MICAL3: variants seen among roughly 807,000 people sequenced by gnomAD.
The protein encoded by MICAL3 is [F-actin]-monooxygenase MICAL3.
A neutral mutation model predicts 207.4 loss-of-function variants in MICAL3; 62 were observed. The observed-to-expected ratio is 0.30, with a 90% CI of 0.24 to 0.37. The LOEUF is 0.37. Among genes scored for constraint, MICAL3 ranks in the 10% least tolerant of loss-of-function variants. The pLI, the probability that MICAL3 is intolerant of heterozygous loss-of-function variation, is 1.00. For synonymous variants in MICAL3, 1,077 were observed against 1,069.3 expected, an observed-to-expected ratio of 1.01 and a Z score of -0.14; for missense variants, 2,368 against 2,635.6, an observed-to-expected ratio of 0.90 and a Z score of 2.22.
At chr22:17,872,705 T>C in intron 16 of MICAL3, 2 of 1,203,594 alleles carry the variant, frequency 1.7e-6, no homozygotes, top group Non-Finnish European at 2.5e-6. Context: ...TTCCCATGGC[T>C]GTGCTGGGTC....
chr22:17,898,126 A>C (rs972265038), intron 7 of MICAL3, among the ~76,000 whole-genome samples: 7 of 151,694 alleles, frequency 4.6e-5, no homozygotes, highest in African/African-American at 1.7e-4. Context: ...AAAAACATGA[A>C]GGCAAAGTAA....
At chr22:17,875,536 G>A (rs751413926) in intron 16 of MICAL3, 37 of 1,552,028 alleles carry the variant, frequency 2.4e-5, no homozygotes, top group African/African-American at 8.2e-5. Flanking sequence ...AAAAATCGAC[G>A]AGGAGGTTCA....
intron 1 of MICAL3, among the ~76,000 whole-genome samples, chr22:18,015,220 A>G (rs1923977720): frequency 6.6e-6 from 1 of 152,144 alleles, no homozygotes; most frequent in Non-Finnish European, 1.5e-5. Context: ...ATTCAACATA[A>G]TTGTGACTCT....
chr22:17,952,145 G>C (rs1167425294), intron 1 of MICAL3, among the ~76,000 whole-genome samples: 1 of 152,184 alleles, frequency 6.6e-6, no homozygotes, highest in Non-Finnish European at 1.5e-5. Context: ...CACCCATCCT[G>C]GGAAAGGATT....
At chr22:17,966,890 A>G (rs1051560819) in intron 1 of MICAL3, among the ~76,000 whole-genome samples, 7 of 152,210 alleles carry the variant, frequency 4.6e-5, no homozygotes, top group African/African-American at 1.7e-4. Context: ...GGTTATCTGT[A>G]AGAACTAGAC....
At chr22:17,936,464 C>T (rs1334239564) in intron 1 of MICAL3, among the ~76,000 whole-genome samples, 5 of 151,764 alleles carry the variant, frequency 3.3e-5, no homozygotes, top group African/African-American at 4.8e-5. Flanking sequence ...TTAGGAGAAA[C>T]ACCTAATGTA....
intron 1 of MICAL3, among the ~76,000 whole-genome samples, chr22:17,928,539 T>C (rs978481551): frequency 6.6e-6 from 1 of 152,142 alleles, no homozygotes; most frequent in Non-Finnish European, 1.5e-5. Flanking sequence ...ATTCACTCAC[T>C]GAGATAAGAC....
At chr22:17,941,088 C>T (rs1047780518) in intron 1 of MICAL3, among the ~76,000 whole-genome samples, 1 of 152,176 alleles carries the variant, frequency 6.6e-6, no homozygotes, top group South Asian at 2.1e-4. Flanking sequence ...GTACTGCTTC[C>T]ACTCCGTCTC....
At chr22:17,875,890 C>T (rs1236382461) in intron 16 of MICAL3, among the ~76,000 whole-genome samples, 1 of 152,148 alleles carries the variant, frequency 6.6e-6, no homozygotes, top group African/African-American at 2.4e-5. Context: ...GGCTTGTCGA[C>T]TCACATGCTC....
At chr22:17,962,648 T>C (rs1240739252) in intron 1 of MICAL3, among the ~76,000 whole-genome samples, 4 of 145,478 alleles carry the variant, frequency 2.7e-5, no homozygotes, top group African/African-American at 1.0e-4. Context: ...TTCGACAAAT[T>C]TGGAGCACTA....
chr22:18,015,671 G>A (rs905196033), intron 1 of MICAL3, among the ~76,000 whole-genome samples: 4 of 151,636 alleles, frequency 2.6e-5, no homozygotes, highest in South Asian at 2.1e-4. Context: ...CATGGCCTCC[G>A]ACCACGCGCG....
intron 1 of MICAL3, among the ~76,000 whole-genome samples, chr22:17,920,360 C>T (rs1932772934): frequency 6.6e-6 from 1 of 152,178 alleles, no homozygotes; most frequent in African/African-American, 2.4e-5. Flanking sequence ...CAGCCCGTCC[C>T]CACCCTCCTA....
chr22:17,914,364 C>T (rs574581705), intron 1 of MICAL3, among the ~76,000 whole-genome samples: 6 of 152,230 alleles, frequency 3.9e-5, no homozygotes, highest in South Asian at 2.1e-4. Context: ...CGTTACTACT[C>T]GGTGCCACAT....
chr22:18,018,044 G>A (rs961757888), intron 1 of MICAL3, among the ~76,000 whole-genome samples: 16 of 149,530 alleles, frequency 1.1e-4, no homozygotes, highest in African/African-American at 3.7e-4. Context: ...CACCGCGCCC[G>A]GCCGTATTTT....
chr22:17,827,941 AC>A (rs1189215864), intron 21 of MICAL3, among the ~76,000 whole-genome samples, 160 bp from the exon 22 acceptor site: 1 of 151,958 alleles, frequency 6.6e-6, no homozygotes, highest in Non-Finnish European at 1.5e-5. Flanking sequence ...GTATACACAC[AC>A]ACACACACAC....
chr22:17,872,042 G>A lies in MICAL3; in HGVS notation c.2242-19C>T, dbSNP rs768402011. 1.3e-5 allele frequency: 20 copies of A among 1,576,656 alleles called. No individual in the cohort carries two copies. Among genetic ancestry groups the A allele is most frequent in the Admixed American group, 3.6e-5 (2 of 55,066 alleles). On this transcript the variant is annotated intron_variant, in intron 16 of 31. Transcript: ENST00000441493. Reference sequence around the variant, plus strand: ...TGGAGCCCTGCAGGAGGTGGCGGTCGGGAGGAAGGGGAGCACCTCAGGGAG... The same window carrying A: ...TGGAGCCCTGCAGGAGGTGGCGGTCAGGAGGAAGGGGAGCACCTCAGGGAG...
chr22:17,834,565 A>G, intron 20 of MICAL3: 1 of 1,142,466 alleles, frequency 8.8e-7, no homozygotes, highest in Non-Finnish European at 1.1e-6. Context: ...AAAAATAAAG[A>G]TAAAAATAAA....
At position 17,788,385 on chromosome 22, in the gene MICAL3, G is replaced by A. The variant is rs530924181; in HGVS notation, c.*2347C>T. 7 of 152,406 alleles carry A rather than the reference G, an allele frequency of 4.6e-5. No homozygotes were observed. The highest frequency in any genetic ancestry group is 8.8e-5 in the Non-Finnish European group (6 of 68,060). The allele number at this position is 152,406 out of a possible 1,614,324, so 9.4% of individuals were successfully genotyped here. A position where few individuals can be genotyped will look rare whatever the true frequency, so the allele number is the denominator to read the frequency against. On this transcript the variant is annotated 3_prime_UTR_variant, in exon 32 of 32. Transcript: ENST00000441493. ...AGGTGACACTGGGCTCTCCTGCTAC[G>A]TCTGGCCACTTACAGCAGATCCCTA...
chr22:17,933,264 A>C (rs1602244571), intron 1 of MICAL3, among the ~76,000 whole-genome samples: 2 of 152,244 alleles, frequency 1.3e-5, no homozygotes, highest in Admixed American at 6.5e-5. Context: ...AAATCACAAC[A>C]AACTGTCTCT....
Sources: gnomAD v4.1 joint callset for allele counts (sites outside exome capture counted in the v4.1 genomes callset) on GRCh38, gnomAD v4.1.1 for gene constraint, MANE v1.5 for transcripts, NCBI Gene and HGNC (gene_info 2026-07-23, HGNC 2026-07-21) for gene names.